The following PPP1R21 variants were observed in gnomAD, a reference collection of about 807,000 sequenced individuals.
PPP1R21 encodes the protein KLRAQ motif containing 1.
PPP1R21 carries 85 observed loss-of-function variants against 112.8 expected under a neutral mutation model. The observed-to-expected ratio is 0.75, with a 90% CI of 0.63 to 0.90. PPP1R21 has a LOEUF of 0.90. Among genes scored for constraint, PPP1R21 ranks in the 40% least tolerant of loss-of-function variants. PPP1R21 has a pLI of 0.00. For missense variants in PPP1R21, 1,199 were observed against 901.5 expected (o/e 1.33, Z -4.23); for synonymous variants, 381 against 322.3 (o/e 1.18, Z -1.95).
intron 18 of PPP1R21, 55 bp from the exon 19 acceptor site, chr2:48,507,211 TAGA>T: frequency 7.5e-7 from 1 of 1,339,888 alleles, no homozygotes; most frequent in Non-Finnish European, 9.7e-7. Context: ...TTTTTTTTTC[TAGA>T]AATGCTTCAT....
intron 16 of PPP1R21, among the ~76,000 whole-genome samples, chr2:48,497,191 G>A (rs1489308483): frequency 1.3e-5 from 2 of 152,194 alleles, no homozygotes; most frequent in African/African-American, 2.4e-5. Flanking sequence ...CATGTAGATA[G>A]TGGTGGAATT....
At chr2:48,496,808 G>C (rs1309399997) in intron 16 of PPP1R21, among the ~76,000 whole-genome samples, 2 of 152,198 alleles carry the variant, frequency 1.3e-5, no homozygotes, top group African/African-American at 2.4e-5. Flanking sequence ...CTTCATGGTT[G>C]TCAATCATGC....
chr2:48,494,288 A>G (rs1669709085), intron 15 of PPP1R21, among the ~76,000 whole-genome samples: 1 of 140,726 alleles, frequency 7.1e-6, no homozygotes, highest in Non-Finnish European at 1.5e-5. Context: ...AGTCATGTCA[A>G]AAATGCATTT....
intron 20 of PPP1R21, among the ~76,000 whole-genome samples, chr2:48,510,726 T>C (rs1670601732): frequency 6.6e-6 from 1 of 152,196 alleles, no homozygotes; most frequent in Non-Finnish European, 1.5e-5. Flanking sequence ...GGGACGGTGC[T>C]GCCGGGAGGG....
intron 1 of PPP1R21, among the ~76,000 whole-genome samples, chr2:48,446,906 A>G (rs1004509250): frequency 6.6e-6 from 1 of 152,054 alleles, no homozygotes; most frequent in African/African-American, 2.4e-5. Context: ...GCCTGCCACC[A>G]TGCCCGGCTA....
At chr2:48,488,842 T>C (rs1669429517) in intron 14 of PPP1R21, among the ~76,000 whole-genome samples, 1 of 152,174 alleles carries the variant, frequency 6.6e-6, no homozygotes, top group African/African-American at 2.4e-5. Flanking sequence ...AAGAACCCAG[T>C]AGGAAAGTGT....
At chr2:48,486,800 T>C in intron 14 of PPP1R21, 42 bp downstream of exon 14, 1 of 1,575,570 alleles carries the variant, frequency 6.3e-7, no homozygotes, top group South Asian at 1.2e-5. Context: ...AACTCTTAAA[T>C]ATGTGCTTTT....
intron 9 of PPP1R21, among the ~76,000 whole-genome samples, chr2:48,467,655 C>T (rs543432431): frequency 1.6e-3 from 250 of 152,292 alleles, no homozygotes; most frequent in African/African-American, 5.5e-3. Flanking sequence ...TCATAGTGAG[C>T]GATCTAAGAG....
chr2:48,501,255 C>G (rs1670098845), intron 17 of PPP1R21, among the ~76,000 whole-genome samples: 1 of 152,204 alleles, frequency 6.6e-6, no homozygotes, highest in African/African-American at 2.4e-5. Flanking sequence ...CCTTCAGTGT[C>G]TGTCTCAAAT....
rs1283640389 is a variant in PPP1R21, at chr2:48,459,673, A to G, written c.376-81A>G. Reference sequence around the variant, plus strand: ...ATATGGAACCATGTGGAAGTTGCTCAGTGAATAGTCACTGCTGTTATTTTT... The same window carrying G: ...ATATGGAACCATGTGGAAGTTGCTCGGTGAATAGTCACTGCTGTTATTTTT... On this transcript the variant is annotated intron_variant, in intron 4 of 21. Coordinates refer to ENST00000294952, the MANE Select transcript of PPP1R21 (RefSeq NM_001135629.3). 5.4e-6 allele frequency: 8 copies of G among 1,470,500 alleles called. No homozygotes were observed. In the South Asian group the frequency reaches 6.8e-5, roughly 12 times the overall value. The allele number at this position is 1,470,500 out of a possible 1,614,324, so 91.1% of individuals were successfully genotyped here.
Position 48,455,779 on chromosome 2 carries a change from C to A in PPP1R21, c.273+1038C>A, listed in dbSNP as rs561742573. ...CCTGTAATCCCAGCACTTTGGGAGG[C>A]TGAGGCGGGCAGATCACGAGGTCAG... On this transcript the variant is annotated intron_variant, in intron 3 of 21. Transcript: ENST00000294952. Among the ~76,000 whole-genome samples, 167 of 152,080 alleles carry A rather than the reference C, an allele frequency of 1.1e-3. 1 individual carries two copies. The highest frequency in any genetic ancestry group is 3.9e-3 in the African/African-American group (161 of 41,520).
At position 48,474,743 on chromosome 2, in the gene PPP1R21, G is replaced by C. The variant is rs1376351105; in HGVS notation, c.1149G>C (p.Glu383Asp). ...CTGCGTTAAGAGCCAGGAATCTAGAGCTGTCCCAGGACATGAAAAAAATGA... is the reference window on the plus strand; with the variant it reads ...CTGCGTTAAGAGCCAGGAATCTAGACCTGTCCCAGGACATGAAAAAAATGA... ...CTSALRARNL[E>D]LSQDMKKMTA... The change falls in exon 12 of 22, where the codon GAG becomes GAC. Residue 383 changes from glutamate to aspartate, a missense_variant. Glu to Asp is a conservative substitution (Grantham distance 45). Coordinates refer to ENST00000294952, the MANE Select transcript of PPP1R21 (RefSeq NM_001135629.3). 6.2e-7 allele frequency: 1 copy of C among 1,613,274 alleles called. No individual in the cohort carries two copies. The highest frequency in any genetic ancestry group is 1.3e-5 in the African/African-American group (1 of 74,912).
chr2:48,505,139 C>T (rs1353053214), intron 17 of PPP1R21, among the ~76,000 whole-genome samples: 1 of 152,206 alleles, frequency 6.6e-6, no homozygotes, highest in Non-Finnish European at 1.5e-5. Context: ...TTTGAGCTTT[C>T]AACTAGAGTG....
At chr2:48,505,452 C>T (rs1368598268) in intron 17 of PPP1R21, 112 bp from the exon 18 acceptor site, 4 of 785,628 alleles carry the variant, frequency 5.1e-6, no homozygotes, top group Non-Finnish European at 8.8e-6. Context: ...TCTTCTAGTT[C>T]TGTACCCTCA....
intron 9 of PPP1R21, among the ~76,000 whole-genome samples, chr2:48,468,354 C>T (rs1668296872): frequency 6.6e-6 from 1 of 152,184 alleles, no homozygotes; most frequent in Middle Eastern, 3.2e-3. Flanking sequence ...CAATTTTGGT[C>T]TGACTCTACA....
At chr2:48,513,705 G>A (rs146317752) in intron 21 of PPP1R21, among the ~76,000 whole-genome samples, 4 of 152,240 alleles carry the variant, frequency 2.6e-5, no homozygotes, top group Admixed American at 6.5e-5. Context: ...TGGATACAAA[G>A]TAAACATCCT....
chr2:48,503,942 G>A (rs1332476089), intron 17 of PPP1R21, among the ~76,000 whole-genome samples: 1 of 119,570 alleles, frequency 8.4e-6, no homozygotes, highest in African/African-American at 3.3e-5. Context: ...AAAAGGGCGA[G>A]ACTATGTCTC....
chr2:48,475,430 C>T (rs1668706780), intron 12 of PPP1R21, among the ~76,000 whole-genome samples: 1 of 152,188 alleles, frequency 6.6e-6, no homozygotes, highest in Non-Finnish European at 1.5e-5. Flanking sequence ...CCTTTCCCTT[C>T]CTTCCTGTTT....
At chr2:48,476,132 C>A (rs1572861162) in intron 12 of PPP1R21, among the ~76,000 whole-genome samples, 1 of 152,226 alleles carries the variant, frequency 6.6e-6, no homozygotes, top group Non-Finnish European at 1.5e-5. Context: ...CCCTCCCTAG[C>A]CCGTAAACCC....
Sources: gnomAD v4.1 joint callset for allele counts (sites outside exome capture counted in the v4.1 genomes callset) on GRCh38, gnomAD v4.1.1 for gene constraint, MANE v1.5 for transcripts, NCBI Gene and HGNC (gene_info 2026-07-23, HGNC 2026-07-21) for gene names.